Variants in SYNE2 observed in about 807,000 individuals in gnomAD.
SYNE2 encodes the protein nesprin-2.
SYNE2 carries 431 observed loss-of-function variants against 856.3 expected under a neutral mutation model. The ratio of observed to expected loss-of-function variants is 0.50; its 90% CI spans 0.47 to 0.55. SYNE2 has a LOEUF of 0.55. SYNE2 is among the 20% of genes least tolerant of loss of function. The probability of loss-of-function intolerance (pLI) is 0.00; values close to 1 mark genes in which losing one functional copy is unlikely to be tolerated. For missense variants in SYNE2, 8,129 were observed against 8,023.2 expected, an observed-to-expected ratio of 1.01 and a Z score of -0.50; for synonymous variants, 2,923 against 2,872.3, an observed-to-expected ratio of 1.02 and a Z score of -0.56.
Position 64,022,731 on chromosome 14 carries a change from C to G in SYNE2, c.5525-20C>G, listed in dbSNP as rs2096945211. 1 of 1,288,752 alleles carries G rather than the reference C, an allele frequency of 7.8e-7. No individual in the cohort carries two copies. The highest frequency in any genetic ancestry group is 1.5e-5 in the African/African-American group (1 of 67,936). 79.8% of individuals were successfully genotyped at this position (1,288,752 alleles called of 1,614,324 possible). A position where few individuals can be genotyped will look rare whatever the true frequency, so the allele number is the denominator to read the frequency against. Reference sequence around the variant, plus strand: ...TGAAGTCTTCCTTGAATGAATAGAGCTTTTTTTTTCCCCCTGCAGATCAAT... The same window carrying G: ...TGAAGTCTTCCTTGAATGAATAGAGGTTTTTTTTTCCCCCTGCAGATCAAT... On this transcript the variant is annotated intron_variant, in intron 37 of 115. Transcript: ENST00000555002.
chr14:64,006,169 G>C (rs1183246620), intron 30 of SYNE2, among the ~76,000 whole-genome samples: 1 of 152,190 alleles, frequency 6.6e-6, no homozygotes, highest in Non-Finnish European at 1.5e-5. Flanking sequence ...GAGGCTGTGA[G>C]CAGTTTAGCA....
chr14:63,949,277 C>A (rs1049808036), intron 6 of SYNE2, among the ~76,000 whole-genome samples: 1 of 151,980 alleles, frequency 6.6e-6, no homozygotes, highest in Non-Finnish European at 1.5e-5. Context: ...ATTTACTTTG[C>A]CTGTATAATA....
rs961730782 is a variant in SYNE2, at chr14:64,029,979, A to G, written c.6799A>G (p.Asn2267Asp). 1.1e-5 allele frequency: 17 copies of G among 1,614,062 alleles called. No homozygotes were observed. Among genetic ancestry groups the G allele is most frequent in the Non-Finnish European group, 1.4e-5 (17 of 1,180,004 alleles). ...CVTDLNTTLD[N>D]FSKEFVSFSD... is the part of the protein sequence containing the mutation. ...CACAGACCTGAATACTACATTGGAC[A>G]ATTTCTCCAAGGAATTTGTCAGTTT... Residue 2267 changes from asparagine (N) to aspartate (D), a missense_variant, in exon 44 of 116, where the codon AAT becomes GAT. By Grantham distance (23) the Asn-to-Asp change is conservative (BLOSUM62 1). This residue lies in a region of SYNE2 where 297 missense variants were observed against 380.9 expected (regional missense o/e 0.78). Coordinates refer to ENST00000555002, the MANE Select transcript of SYNE2 (RefSeq NM_182914.3).
intron 1 of SYNE2, among the ~76,000 whole-genome samples, chr14:63,797,111 A>AAAAGAAAAGG (rs1887947665): frequency 6.8e-6 from 1 of 148,042 alleles, no homozygotes; most frequent in Middle Eastern, 3.3e-3. Flanking sequence ...AAAAGAAAAG[A>AAAAGAAAAGG]AAAAGGAAAA....
intron 107 of SYNE2, 133 bp from the exon 108 acceptor site, chr14:64,216,115 T>C: frequency 1.3e-6 from 2 of 1,554,420 alleles, no homozygotes; most frequent in Non-Finnish European, 1.7e-6. Context: ...TGGGACATAC[T>C]GACATTTTGC....
intron 101 of SYNE2, 111 bp downstream of exon 101, chr14:64,209,056 G>T: frequency 7.4e-7 from 1 of 1,359,658 alleles, no homozygotes; most frequent in Non-Finnish European, 1.0e-6. Context: ...AAATGCGCCA[G>T]GTATTGGCAG....
chr14:63,943,897 C>T (rs533982213), intron 6 of SYNE2, among the ~76,000 whole-genome samples: 1 of 151,752 alleles, frequency 6.6e-6, no homozygotes, highest in Non-Finnish European at 1.5e-5. Context: ...TATTGAACTC[C>T]TGACCTTGTG....
At position 63,978,018 on chromosome 14, in the gene SYNE2, G is replaced by C. The variant is rs1437352494; in HGVS notation, c.1406+1G>C. ...ACAAATTGGAGGAAATGAAAAGACGGTGTGTAACACTACCATTTCACAGCT... is the reference window on the plus strand; with the variant it reads ...ACAAATTGGAGGAAATGAAAAGACGCTGTGTAACACTACCATTTCACAGCT... On this transcript the variant is annotated splice_donor_variant, in intron 13 of 115. Transcript: ENST00000555002. LOFTEE classifies it high-confidence loss of function. 1 of 1,581,834 alleles carries C rather than the reference G, an allele frequency of 6.3e-7. No individual in the cohort carries two copies. Among genetic ancestry groups the C allele is most frequent in the Non-Finnish European group, 8.7e-7 (1 of 1,150,750 alleles).
intron 1 of SYNE2, among the ~76,000 whole-genome samples, chr14:63,824,394 T>A (rs879638622): frequency 6.6e-6 from 1 of 152,084 alleles, no homozygotes; most frequent in African/African-American, 2.4e-5. Flanking sequence ...ATACCAGCAC[T>A]TTGGGAGGCC....
chr14:64,095,599 C>CT (rs145062046), intron 61 of SYNE2, among the ~76,000 whole-genome samples: 5,556 of 152,052 alleles, frequency 0.037, 131 homozygotes, highest in East Asian at 0.08. Context: ...TATCAGCTGG[C>CT]TTTTTTTCAC....
At chr14:63,928,194 T>C (rs1264809304) in intron 2 of SYNE2, among the ~76,000 whole-genome samples, 2 of 151,984 alleles carry the variant, frequency 1.3e-5, no homozygotes, top group Admixed American at 1.3e-4. Context: ...AGGTTGGGGG[T>C]GTCCAACCCA....
intron 74 of SYNE2, 123 bp from the exon 75 acceptor site, chr14:64,129,659 G>T: frequency 7.2e-7 from 1 of 1,391,702 alleles, no homozygotes; most frequent in Non-Finnish European, 9.8e-7. Flanking sequence ...GTGAGGGAGC[G>T]GGAGCTGGGA....
intron 1 of SYNE2, among the ~76,000 whole-genome samples, chr14:63,876,145 G>C (rs952147541): frequency 6.6e-6 from 1 of 151,686 alleles, no homozygotes; most frequent in Non-Finnish European, 1.5e-5. Flanking sequence ...GGACGTGGTG[G>C]CTCACACTTG....
chr14:64,129,473 T>C (rs1264667828), intron 74 of SYNE2, among the ~76,000 whole-genome samples: 3 of 152,210 alleles, frequency 2.0e-5, no homozygotes, highest in Non-Finnish European at 4.4e-5. Context: ...AGGAGCTAGA[T>C]ATGTGTATAC....
In SYNE2 at chr14:64,025,368, T is replaced by G; in HGVS notation, c.6199T>G (p.Leu2067Val). The change falls in exon 41 of 116, where the codon TTG becomes GTG. Residue 2067 changes from leucine to valine, a missense_variant. Physicochemically the swap from Leu to Val is conservative, Grantham distance 32. This residue lies in a region of SYNE2 where 297 missense variants were observed against 380.9 expected (regional missense o/e 0.78). Coordinates refer to ENST00000555002, the MANE Select transcript of SYNE2 (RefSeq NM_182914.3). ...AGAGATTAAAGAGTCCCTTATGGTT[T>G]TGAATTCATCCGAAGGCAAAATGCC... ...IKEIKESLMVLNSSEGKMPLE... is the reference protein window; with the variant it reads ...IKEIKESLMVVNSSEGKMPLE... 6.2e-7 allele frequency: 1 copy of G among 1,613,918 alleles called. No individual in the cohort carries two copies.
intron 58 of SYNE2, among the ~76,000 whole-genome samples, chr14:64,088,913 T>G (rs1266232581): frequency 6.6e-6 from 1 of 152,232 alleles, no homozygotes; most frequent in Non-Finnish European, 1.5e-5. Context: ...TTCTATAATG[T>G]TTGATGAAAA....
chr14:64,154,039 C>T (rs553752483), intron 85 of SYNE2, among the ~76,000 whole-genome samples: 2 of 152,044 alleles, frequency 1.3e-5, no homozygotes, highest in East Asian at 1.9e-4. Context: ...AGATCAAAGA[C>T]ATAAATGCAG....
Position 63,990,423 on chromosome 14 carries a change from A to G in SYNE2, c.2326A>G (p.Lys776Glu). Reference sequence around the variant, plus strand: ...TTTGTTTTAATAGCATCTTATTGCCAAAGGCTCTATGTTTGATGAGCTTAT... The same window carrying G: ...TTTGTTTTAATAGCATCTTATTGCCGAAGGCTCTATGTTTGATGAGCTTAT... ...MEESLKHLIAKGSMFDELMAR... is the reference protein window; with the variant it reads ...MEESLKHLIAEGSMFDELMAR... Residue 776 changes from lysine to glutamate, a missense_variant, in exon 20 of 116, where the codon AAA becomes GAA. Physicochemically the swap from Lys to Glu is moderately conservative, Grantham distance 56. Transcript: ENST00000555002. 3 of 1,613,068 alleles carry G rather than the reference A, an allele frequency of 1.9e-6. No homozygotes were observed. The highest frequency in any genetic ancestry group is 1.3e-5 in the African/African-American group (1 of 75,026).
chr14:63,872,336 A>C (rs1358885196), intron 1 of SYNE2, among the ~76,000 whole-genome samples: 1 of 152,072 alleles, frequency 6.6e-6, no homozygotes, highest in African/African-American at 2.4e-5. Flanking sequence ...AGGCTGAGGC[A>C]GGAGAATCAC....
Sources: allele counts gnomAD v4.1 joint callset (sites outside exome capture counted in the v4.1 genomes callset), GRCh38; gene constraint gnomAD v4.1.1; regional missense constraint gnomAD v4.1.1; transcripts MANE v1.5; gene names NCBI Gene and HGNC (gene_info 2026-07-23, HGNC 2026-07-21).